Variants in RSPH3 observed in about 807,000 individuals in gnomAD.
The protein encoded by RSPH3 is radial spoke head protein 3 homolog.
RSPH3 carries 21 observed loss-of-function variants against 43.8 expected under a neutral mutation model. The ratio of observed to expected loss-of-function variants is 0.48; its 90% CI spans 0.34 to 0.69. The LOEUF (loss-of-function observed/expected upper bound fraction) is 0.69, where lower values mean the gene tolerates loss of function less well. RSPH3 is among the 30% of genes least tolerant of loss of function. The pLI is 0.01. For synonymous variants in RSPH3, 173 were observed against 179.8 expected, an observed-to-expected ratio of 0.96 and a Z score of 0.30; for missense variants, 487 against 516.0, an observed-to-expected ratio of 0.94 and a Z score of 0.54.
At chr6:158,981,891 C>T (rs1384544187) in intron 5 of RSPH3, among the ~76,000 whole-genome samples, 2 of 152,152 alleles carry the variant, frequency 1.3e-5, no homozygotes, top group African/African-American at 4.8e-5. Context: ...TTTTCTAGTG[C>T]TTCCTAACTG....
chr6:158,993,977 A>G (rs1778507712), intron 1 of RSPH3, 51 bp from the exon 2 acceptor site: 5 of 919,922 alleles, frequency 5.4e-6, no homozygotes, highest in Non-Finnish European at 5.3e-6. Flanking sequence ...ATTGGTATCT[A>G]TGAAGTAACT....
At chr6:158,991,061 G>T (rs1340267121) in intron 2 of RSPH3, among the ~76,000 whole-genome samples, 1 of 151,604 alleles carries the variant, frequency 6.6e-6, no homozygotes, top group African/African-American at 2.4e-5. Context: ...GTTTCCATTT[G>T]GTTCACTTTT....
At position 158,982,658 on chromosome 6, in the gene RSPH3, C is replaced by G. The variant is rs1325714452; in HGVS notation, c.523G>C (p.Val175Leu). 1 of 1,613,680 alleles carries G rather than the reference C, an allele frequency of 6.2e-7. No homozygotes were observed. Among genetic ancestry groups the G allele is most frequent in the Non-Finnish European group, 8.5e-7 (1 of 1,179,808 alleles). ...GTCTTCCCCACCAAAACTTCTAACA[C>G]TGGTTTAACTTCAAGATCAAAGTCA... Reference protein sequence around the residue: ...LFDFDLEVKPVLEVLVGKTIE... With the variant: ...LFDFDLEVKPLLEVLVGKTIE... Residue 175 changes from valine to leucine, a missense_variant, in exon 5 of 8, where the codon GTG becomes CTG. Transcript: ENST00000367069.
At chr6:158,990,851 G>A (rs1778379593) in intron 2 of RSPH3, among the ~76,000 whole-genome samples, 1 of 143,880 alleles carries the variant, frequency 7.0e-6, no homozygotes, top group African/African-American at 2.6e-5. Context: ...CAACATGAAT[G>A]TAAATCTTTG....
chr6:158,965,772 A>G, the RSPH3 span, among the ~76,000 whole-genome samples: 4 of 152,116 alleles, frequency 2.6e-5, no homozygotes, highest in African/African-American at 9.7e-5. Flanking sequence ...AAATGCCATG[A>G]CTAGAACTTC....
rs1449205643 is a variant in RSPH3, at chr6:158,975,599, C to T, written c.*1939G>A. 2.6e-5 allele frequency: 4 copies of T among 152,284 alleles called. No individual in the cohort carries two copies. Among genetic ancestry groups the T allele is most frequent in the Non-Finnish European group, 5.9e-5 (4 of 68,080 alleles). The allele number at this position is 152,284 out of a possible 1,614,324, so 9.4% of individuals were successfully genotyped here. A position where few individuals can be genotyped will look rare whatever the true frequency, so the allele number is the denominator to read the frequency against. Reference sequence around the variant, plus strand: ...TATTCGTGACTGTTCACCGCTGTATCTGCAGTCTCATTCCCAAGGCAGAGC... The same window carrying T: ...TATTCGTGACTGTTCACCGCTGTATTTGCAGTCTCATTCCCAAGGCAGAGC... On this transcript the variant is annotated 3_prime_UTR_variant, in exon 8 of 8. Transcript: ENST00000367069.
rs1777803450 is a variant in RSPH3, at chr6:158,975,380, C to T, written c.*2158G>A. The T allele has an allele frequency of 1.3e-5, 2 of 152,038 alleles. No homozygotes were observed. The allele number at this position is 152,038 out of a possible 1,614,324, so 9.4% of individuals were successfully genotyped here. A position where few individuals can be genotyped will look rare whatever the true frequency, so the allele number is the denominator to read the frequency against. On this transcript the variant is annotated 3_prime_UTR_variant, in exon 8 of 8. Transcript: ENST00000367069. ...AATTTATTTTAAATTATTCTTTGTA[C>T]CTCACAAAAACAGCAAGTTATTAGA...
chr6:158,987,834 C>T (rs1448756245), intron 2 of RSPH3, among the ~76,000 whole-genome samples: 1 of 152,174 alleles, frequency 6.6e-6, no homozygotes, highest in African/African-American at 2.4e-5. Context: ...TAACAGGTTG[C>T]TGCAGCTATT....
chr6:158,985,816 C>CTT (rs1192708843), intron 3 of RSPH3, among the ~76,000 whole-genome samples: 10 of 127,402 alleles, frequency 7.8e-5, no homozygotes, highest in South Asian at 2.3e-4. Flanking sequence ...CTCTCTCTCT[C>CTT]TTTTTTTTTT....
intron 2 of RSPH3, chr6:158,988,374 G>A (rs772325206): frequency 1.3e-5 from 2 of 152,114 alleles, no homozygotes; most frequent in Non-Finnish European, 2.9e-5. Context: ...TATTTGGGGT[G>A]AATCTGTTTG....
chr6:158,994,514 G>C (rs1053676183), intron 1 of RSPH3, among the ~76,000 whole-genome samples: 11 of 152,138 alleles, frequency 7.2e-5, no homozygotes, highest in Non-Finnish European at 1.0e-4. Context: ...AGCCAGGCCT[G>C]GTGGCCTGCA....
chr6:158,986,865 G>A (rs934690954), intron 2 of RSPH3, among the ~76,000 whole-genome samples: 1 of 152,110 alleles, frequency 6.6e-6, no homozygotes, highest in Non-Finnish European at 1.5e-5. Context: ...GTTCAGACAT[G>A]TTTTGTGGCC....
At position 158,986,376 on chromosome 6, in the gene RSPH3, T is replaced by C; in HGVS notation, c.250A>G (p.Arg84Gly). The part of the protein sequence containing the change: ...SLELQRQREA[R>G]KRALARKQAQ... ...TGTTTTCTGGCAAGAGCCCTCTTCCTAGCCTCCCGTTGTCTCTGGAGCTCT... is the reference window on the plus strand; with the variant it reads ...TGTTTTCTGGCAAGAGCCCTCTTCCCAGCCTCCCGTTGTCTCTGGAGCTCT... Residue 84 changes from arginine to glycine, a missense_variant, in exon 3 of 8, where the codon AGG becomes GGG. By Grantham distance (125) the Arg-to-Gly change is moderately radical. Transcript: ENST00000367069. 6.2e-7 allele frequency: 1 copy of C among 1,614,098 alleles called. No individual in the cohort carries two copies. The highest frequency in any genetic ancestry group is 1.1e-5 in the South Asian group (1 of 91,086).
intron 2 of RSPH3, among the ~76,000 whole-genome samples, chr6:158,987,329 C>T (rs1228790562): frequency 6.6e-6 from 1 of 152,004 alleles, no homozygotes; most frequent in Non-Finnish European, 1.5e-5. Context: ...TTTTTCCATC[C>T]CTTTACTTTC....
At chr6:158,985,171 G>A (rs12194459) in intron 3 of RSPH3, among the ~76,000 whole-genome samples, 1 of 152,178 alleles carries the variant, frequency 6.6e-6, no homozygotes, top group Non-Finnish European at 1.5e-5. Context: ...AGACAAGTAC[G>A]CAAATCCTGG....
At chr6:158,986,064 C>T (rs1778227784) in intron 3 of RSPH3, among the ~76,000 whole-genome samples, 1 of 152,156 alleles carries the variant, frequency 6.6e-6, no homozygotes, top group East Asian at 1.9e-4. Flanking sequence ...GATCTGTCCG[C>T]CTCAGCCTCC....
At chr6:158,990,998 A>G (rs1778387448) in intron 2 of RSPH3, among the ~76,000 whole-genome samples, 1 of 150,592 alleles carries the variant, frequency 6.6e-6, no homozygotes, top group Non-Finnish European at 1.5e-5. Context: ...CCAATGTACT[A>G]CTGAGTCCAT....
At position 158,999,520 on chromosome 6, in the gene RSPH3, G is replaced by A. The variant is rs1364048040; in HGVS notation, c.31C>T (p.Arg11Trp). The change falls in exon 1 of 8, where the codon CGG (arginine) becomes TGG (tryptophan). Residue 11 changes from arginine (R) to tryptophan (W), a missense_variant. Coordinates refer to ENST00000367069, the MANE Select transcript of RSPH3 (RefSeq NM_031924.8). ...GTGTAGGTGTAGGTGCTCGGGGCCC[G>A]AGAGGTGCGATCAGTCAGCGCTGAG... MASALTDRTSRAPSTYTYTSR... is the reference protein window; with the variant it reads MASALTDRTSWAPSTYTYTSR... 2.6e-6 allele frequency: 4 copies of A among 1,555,558 alleles called. No individual in the cohort carries two copies. The highest frequency in any genetic ancestry group is 3.5e-6 in the Non-Finnish European group (4 of 1,144,628).
intron 1 of RSPH3, among the ~76,000 whole-genome samples, chr6:158,998,921 C>A (rs74298058): frequency 0.11 from 17,176 of 151,516 alleles, 1,698 homozygotes; most frequent in East Asian, 0.41. Context: ...CCACAAAAAA[C>A]CAATCTGTGG....
Sources: gnomAD v4.1 joint callset for allele counts (sites outside exome capture counted in the v4.1 genomes callset) on GRCh38, gnomAD v4.1.1 for gene constraint, MANE v1.5 for transcripts, NCBI Gene and HGNC (gene_info 2026-07-23, HGNC 2026-07-21) for gene names.